Variants in AHCYL1 observed in about 807,000 individuals in gnomAD.
AHCYL1 encodes S-adenosylhomocysteine hydrolase-like protein 1.
A neutral mutation model predicts 79.3 loss-of-function variants in AHCYL1; 20 were observed. The ratio of observed to expected loss-of-function variants is 0.25; its 90% CI spans 0.18 to 0.37. The LOEUF is 0.37. Ranked by LOEUF, AHCYL1 falls within the 10% of genes least tolerant of loss-of-function variation. The pLI, the probability that AHCYL1 is intolerant of heterozygous loss-of-function variation, is 1.00. For missense variants in AHCYL1, 330 were observed against 673.6 expected, an observed-to-expected ratio of 0.49 and a Z score of 5.65; for synonymous variants, 223 against 242.2, an observed-to-expected ratio of 0.92 and a Z score of 0.74.
At chr1:110,010,820 G>A (rs1053231376) in intron 2 of AHCYL1, among the ~76,000 whole-genome samples, 3 of 152,218 alleles carry the variant, frequency 2.0e-5, no homozygotes, top group African/African-American at 4.8e-5. Flanking sequence ...GCTTGAATTT[G>A]AGAACCAGTG....
intron 9 of AHCYL1, 145 bp from the exon 10 acceptor site, chr1:110,017,350 G>T: frequency 3.1e-6 from 2 of 654,284 alleles, no homozygotes; most frequent in Non-Finnish European, 5.3e-6. Flanking sequence ...TTTCTGTTCT[G>T]CTTGGGATTG....
Position 110,018,030 on chromosome 1 carries a change from A to G in AHCYL1, c.1123+14A>G. The G allele has an allele frequency of 1.9e-6, 3 of 1,614,072 alleles. No homozygotes were observed. The highest frequency in any genetic ancestry group is 2.5e-6 in the Non-Finnish European group (3 of 1,179,912). On this transcript the variant is annotated intron_variant, in intron 11 of 16. Transcript: ENST00000369799. ...TAACTTGCACAGGTAAATAACTTGCATAGAGAAGTGTTTATTCAGAGGCTA... is the reference window on the plus strand; with the variant it reads ...TAACTTGCACAGGTAAATAACTTGCGTAGAGAAGTGTTTATTCAGAGGCTA...
At chr1:110,012,612 G>T (rs911326675) in intron 4 of AHCYL1, 150 bp downstream of exon 4, 46 of 669,506 alleles carry the variant, frequency 6.9e-5, no homozygotes, top group East Asian at 2.3e-4. Flanking sequence ...GGTTTTCTGG[G>T]TTTTTTTTTA....
intron 13 of AHCYL1, 59 bp downstream of exon 13, chr1:110,018,709 G>A (rs116226117): frequency 2.3e-5 from 33 of 1,450,102 alleles, no homozygotes; most frequent in Middle Eastern, 2.3e-4. Context: ...GATCTATGAG[G>A]GGGGAGGGGA....
At chr1:109,994,931 G>A (rs1168779207) in intron 1 of AHCYL1, among the ~76,000 whole-genome samples, 1 of 152,194 alleles carries the variant, frequency 6.6e-6, no homozygotes, top group Non-Finnish European at 1.5e-5. Context: ...AAGAGACCAA[G>A]CTGGTTGGGA....
intron 2 of AHCYL1, 149 bp downstream of exon 2, chr1:110,009,294 G>A (rs1198839361): frequency 3.1e-6 from 2 of 653,270 alleles, no homozygotes; most frequent in African/African-American, 1.9e-5. Context: ...GGAATGTTCT[G>A]CAGCCAAGCT....
chr1:110,001,472 C>T lies in AHCYL1; in HGVS notation c.121-7562C>T, dbSNP rs1012093973. Among the ~76,000 whole-genome samples the T allele has an allele frequency of 1.8e-4, 27 of 152,162 alleles. 1 individual carries two copies. The highest frequency in any genetic ancestry group is 4.4e-5 in the Non-Finnish European group (3 of 68,028). On this transcript the variant is annotated intron_variant, in intron 1 of 16. Transcript: ENST00000369799. ...AAGTGCTGGGATTACAGGCGTGAGC[C>T]ACCACACCCGGCCTTGACAGCTTTT...
At chr1:110,002,281 A>G (rs997217403) in intron 1 of AHCYL1, among the ~76,000 whole-genome samples, 1 of 152,234 alleles carries the variant, frequency 6.6e-6, no homozygotes, top group African/African-American at 2.4e-5. Flanking sequence ...CCTGAGAGAA[A>G]TGGTTGATTC....
At chr1:110,000,659 G>A (rs893977684) in intron 1 of AHCYL1, among the ~76,000 whole-genome samples, 10 of 151,940 alleles carry the variant, frequency 6.6e-5, no homozygotes, top group Admixed American at 5.9e-4. Context: ...TGACCCCTTG[G>A]AAATAAAGGG....
chr1:109,996,074 G>T (rs1378666431), intron 1 of AHCYL1, among the ~76,000 whole-genome samples: 1 of 152,206 alleles, frequency 6.6e-6, no homozygotes, highest in East Asian at 1.9e-4. Flanking sequence ...GGGTGTGGTA[G>T]CAGGTGCCTG....
chr1:109,985,532 A>G (rs1046755425), intron 1 of AHCYL1: 4 of 999,916 alleles, frequency 4.0e-6, no homozygotes, highest in African/African-American at 1.7e-5. Flanking sequence ...TGTACAGAAA[A>G]TCTCCCTTCA....
chr1:109,985,628 G>A, intron 1 of AHCYL1: 5 of 887,204 alleles, frequency 5.6e-6, no homozygotes, highest in Non-Finnish European at 4.1e-6. Context: ...TAGCTGGGAG[G>A]CAAGAGAAAA....
At chr1:109,994,534 C>T in intron 1 of AHCYL1, among the ~76,000 whole-genome samples, 1 of 152,164 alleles carries the variant, frequency 6.6e-6, no homozygotes, top group East Asian at 1.9e-4. Flanking sequence ...GGTGATCCAC[C>T]CGCCATGGCC....
chr1:110,020,756 G>C lies in AHCYL1; in HGVS notation c.1491G>C (p.Leu497=), dbSNP rs1487397062. 2 of 1,612,886 alleles carry C rather than the reference G, an allele frequency of 1.2e-6. No individual in the cohort carries two copies. The highest frequency in any genetic ancestry group is 2.7e-5 in the African/African-American group (2 of 74,848). Residue 497 remains leucine (L), a synonymous_variant, in exon 16 of 17, where the codon CTG becomes CTC. Coordinates refer to ENST00000369799, the MANE Select transcript of AHCYL1 (RefSeq NM_006621.7). ...ATGAATACGTTGCCAGCTTGCATCT[G>C]CCATCATTTGATGCCCACCTTACAG... ...KMDEYVASLH[L]PSFDAHLTEL...
chr1:110,013,815 T>C (rs76463737), intron 5 of AHCYL1, among the ~76,000 whole-genome samples: 4 of 151,122 alleles, frequency 2.6e-5, no homozygotes, highest in African/African-American at 7.3e-5. Flanking sequence ...TTTTTTTTTT[T>C]CTTAAGATGG....
intron 11 of AHCYL1, 60 bp from the exon 12 acceptor site, chr1:110,018,313 G>C (rs1028078333): frequency 1.3e-6 from 2 of 1,543,170 alleles, no homozygotes; most frequent in African/African-American, 2.7e-5. Context: ...CTACCTGAAA[G>C]CCAGCCAGTA....
intron 1 of AHCYL1, among the ~76,000 whole-genome samples, chr1:110,001,238 G>A (rs961467598): frequency 1.4e-4 from 22 of 151,930 alleles, no homozygotes; most frequent in Admixed American, 1.4e-3. Flanking sequence ...CCAGGCGGGA[G>A]TGCAGTGGCA....
intron 1 of AHCYL1, chr1:109,995,636 T>G: frequency 1.0e-6 from 1 of 985,232 alleles, no homozygotes; most frequent in South Asian, 4.7e-5. Flanking sequence ...TACTTGTGTT[T>G]CCTTTTCAGA....
Position 110,018,130 on chromosome 1 carries a change from A to G in AHCYL1, c.1123+114A>G, listed in dbSNP as rs117834645. On this transcript the variant is annotated intron_variant, in intron 11 of 16. Transcript: ENST00000369799. ...TGTTCAGTATAAAGGTCTCAGAACT[A>G]GAATAAGCTATCAGAACCTTAACAT... The G allele has an allele frequency of 5.2e-4, 619 of 1,188,636 alleles. 3 individuals are homozygous for G. In the East Asian group the frequency reaches 0.015, roughly 28 times the overall value. 73.6% of individuals were successfully genotyped at this position (1,188,636 alleles called of 1,614,324 possible). A position where few individuals can be genotyped will look rare whatever the true frequency, so the allele number is the denominator to read the frequency against.
Sources: gnomAD v4.1 joint callset for allele counts (sites outside exome capture counted in the v4.1 genomes callset) on GRCh38, gnomAD v4.1.1 for gene constraint, MANE v1.5 for transcripts, NCBI Gene and HGNC (gene_info 2026-07-23, HGNC 2026-07-21) for gene names.